CPNE4: variants seen among roughly 807,000 people sequenced by gnomAD.
CPNE4 encodes copine 4, also known as copine-4.
CPNE4 carries 25 observed loss-of-function variants against 67.9 expected under a neutral mutation model. That is an observed-to-expected ratio of 0.37 (90% CI 0.27 to 0.51). CPNE4 has a LOEUF of 0.51. Among genes scored for constraint, CPNE4 ranks in the 20% least tolerant of loss-of-function variants. The probability of loss-of-function intolerance (pLI) is 0.93; values close to 1 mark genes in which losing one functional copy is unlikely to be tolerated. For synonymous variants in CPNE4, 242 were observed against 244.9 expected, an observed-to-expected ratio of 0.99 and a Z score of 0.11; for missense variants, 464 against 690.8, an observed-to-expected ratio of 0.67 and a Z score of 3.68.
intron 2 of CPNE4, among the ~76,000 whole-genome samples, chr3:131,856,281 G>A (rs1326421498): frequency 6.6e-6 from 1 of 151,600 alleles, no homozygotes; most frequent in Non-Finnish European, 1.5e-5. Context: ...GTCTTACATG[G>A]TTTCTACATA....
chr3:131,857,103 C>A (rs2086476363), intron 2 of CPNE4, among the ~76,000 whole-genome samples: 1 of 151,982 alleles, frequency 6.6e-6, no homozygotes, highest in African/African-American at 2.4e-5. Context: ...AAGGATTGTG[C>A]AATGAGAGAA....
intron 1 of CPNE4, among the ~76,000 whole-genome samples, chr3:131,947,611 C>T (rs1241962137): frequency 1.3e-5 from 2 of 152,096 alleles, no homozygotes; most frequent in Non-Finnish European, 2.9e-5. Flanking sequence ...ATATATGTGC[C>T]ACATTTTATT....
chr3:132,011,395 G>A lies in CPNE4; in HGVS notation c.-2+23172C>T, dbSNP rs192437166. 1.8e-3 allele frequency among the ~76,000 whole-genome samples: 271 copies of A among 152,266 alleles called. 1 individual carries two copies. Among genetic ancestry groups the A allele is most frequent in the African/African-American group, 6.2e-3 (259 of 41,564 alleles). On this transcript the variant is annotated intron_variant, in intron 1 of 15. Transcript: ENST00000429747. ...TAAAAAAGCTTGGATTTCACACTCC[G>A]TTGCTAAGTTTTCCTTGTGGCCCTT... is the stretch of plus-strand genomic sequence containing the variant.
At chr3:131,831,639 T>G (rs145502410) in intron 2 of CPNE4, among the ~76,000 whole-genome samples, 1 of 152,160 alleles carries the variant, frequency 6.6e-6, no homozygotes, top group Non-Finnish European at 1.5e-5. Context: ...CGCTGTAATA[T>G]AAAACTAAAA....
intron 6 of CPNE4, among the ~76,000 whole-genome samples, chr3:131,685,527 T>G (rs528475590): frequency 6.6e-6 from 1 of 152,118 alleles, no homozygotes; most frequent in Non-Finnish European, 1.5e-5. Flanking sequence ...CTCACGCCTG[T>G]AATCCCAGCA....
At chr3:131,988,678 CCTT>C (rs1173641740) in intron 1 of CPNE4, among the ~76,000 whole-genome samples, 1 of 152,118 alleles carries the variant, frequency 6.6e-6, no homozygotes, top group Non-Finnish European at 1.5e-5. Context: ...GGAACACTGT[CCTT>C]ATTGTTTCCG....
intron 1 of CPNE4, among the ~76,000 whole-genome samples, chr3:131,906,485 G>C (rs765872782): frequency 7.0e-6 from 1 of 143,380 alleles, no homozygotes; most frequent in Admixed American, 7.7e-5. Context: ...GTTCCCACCT[G>C]AGTGAGAACA....
intron 7 of CPNE4, among the ~76,000 whole-genome samples, chr3:131,619,086 G>T (rs751526459): frequency 2.0e-5 from 3 of 152,146 alleles, no homozygotes; most frequent in Non-Finnish European, 4.4e-5. Context: ...GGGAGCAATT[G>T]TTGGGGAAGG....
Position 131,750,433 on chromosome 3 carries a change from C to T in CPNE4, c.181-26808G>A, listed in dbSNP as rs370145916. 1.4e-4 allele frequency among the ~76,000 whole-genome samples: 22 copies of T among 152,042 alleles called. No individual in the cohort carries two copies. The East Asian group carries it at 4.1e-3, about 28-fold the overall frequency. On this transcript the variant is annotated intron_variant, in intron 2 of 15. Transcript: ENST00000429747. ...TTGAACATTTTTTTAAATTTCATTTCGATTTATGTAGCGTTTTTTAGTGCA... is the reference window on the plus strand; with the variant it reads ...TTGAACATTTTTTTAAATTTCATTTTGATTTATGTAGCGTTTTTTAGTGCA...
intron 1 of CPNE4, among the ~76,000 whole-genome samples, chr3:131,983,290 A>C (rs2072956569): frequency 6.6e-6 from 1 of 152,164 alleles, no homozygotes; most frequent in African/African-American, 2.4e-5. Flanking sequence ...ATAGTTTTAC[A>C]CTACAATTTT....
intron 7 of CPNE4, among the ~76,000 whole-genome samples, chr3:131,654,238 C>G (rs1039596669): frequency 1.3e-5 from 2 of 151,980 alleles, no homozygotes; most frequent in African/African-American, 2.4e-5. Flanking sequence ...CTATGGGCTT[C>G]CTCATCTATT....
At chr3:131,714,835 C>G (rs1218161268) in intron 3 of CPNE4, among the ~76,000 whole-genome samples, 2 of 152,140 alleles carry the variant, frequency 1.3e-5, no homozygotes, top group African/African-American at 4.8e-5. Flanking sequence ...TAATCTCTCT[C>G]TCATGAATAA....
intron 1 of CPNE4, among the ~76,000 whole-genome samples, chr3:132,005,212 C>T (rs2073557772): frequency 6.6e-6 from 1 of 151,242 alleles, no homozygotes; most frequent in East Asian, 2.0e-4. Context: ...TGGAGAGCCA[C>T]TCAATTATAT....
chr3:131,552,538 A>T, intron 12 of CPNE4, 47 bp from the exon 13 acceptor site: 1 of 1,531,210 alleles, frequency 6.5e-7, no homozygotes, highest in South Asian at 1.1e-5. Context: ...GAAGAATTAC[A>T]ACTTTAATCC....
intron 2 of CPNE4, among the ~76,000 whole-genome samples, chr3:131,730,457 A>G (rs1018792160): frequency 4.6e-5 from 7 of 152,188 alleles, no homozygotes; most frequent in African/African-American, 1.7e-4. Context: ...TGCTCTTTTT[A>G]TTATACTATG....
chr3:132,024,762 G>A (rs1302555519), intron 1 of CPNE4, among the ~76,000 whole-genome samples: 2 of 152,138 alleles, frequency 1.3e-5, no homozygotes, highest in African/African-American at 4.8e-5. Context: ...GGGTGGCTGT[G>A]AGTCTTAAAT....
intron 2 of CPNE4, among the ~76,000 whole-genome samples, chr3:131,792,639 G>A (rs1180029084): frequency 9.0e-4 from 71 of 78,898 alleles, no homozygotes; most frequent in African/African-American, 3.1e-3. Flanking sequence ...ATACACACGT[G>A]TATATATGTA....
At chr3:131,880,351 G>A (rs1425818012) in intron 2 of CPNE4, among the ~76,000 whole-genome samples, 2 of 151,984 alleles carry the variant, frequency 1.3e-5, no homozygotes, top group African/African-American at 4.8e-5. Context: ...TCCTGAGCTC[G>A]TGATACGCCC....
intron 2 of CPNE4, among the ~76,000 whole-genome samples, chr3:131,825,362 G>A (rs745921058): frequency 2.0e-5 from 3 of 151,962 alleles, no homozygotes; most frequent in Non-Finnish European, 2.9e-5. Context: ...TGGGTGTGGT[G>A]TTGTGTCTGT....
Sources: allele counts gnomAD v4.1 joint callset (sites outside exome capture counted in the v4.1 genomes callset), GRCh38; gene constraint gnomAD v4.1.1; transcripts MANE v1.5; gene names NCBI Gene and HGNC (gene_info 2026-07-23, HGNC 2026-07-21).